PLCB1: variants seen among roughly 807,000 people sequenced by gnomAD.
PLCB1 encodes 1-phosphatidylinositol 4,5-bisphosphate phosphodiesterase beta-1.
PLCB1 carries 46 observed loss-of-function variants against 161.8 expected under a neutral mutation model. The ratio of observed to expected loss-of-function variants is 0.28; its 90% CI spans 0.22 to 0.36. The LOEUF (loss-of-function observed/expected upper bound fraction) is 0.36. Among genes scored for constraint, PLCB1 ranks in the 10% least tolerant of loss-of-function variants. The pLI is 1.00. For synonymous variants in PLCB1, 517 were observed against 503.7 expected, an observed-to-expected ratio of 1.03 and a Z score of -0.35; for missense variants, 1,016 against 1,472.5, an observed-to-expected ratio of 0.69 and a Z score of 5.07.
At chr20:8,421,312 G>C (rs1177153023) in intron 3 of PLCB1, among the ~76,000 whole-genome samples, 1 of 152,166 alleles carries the variant, frequency 6.6e-6, no homozygotes, top group Non-Finnish European at 1.5e-5. Context: ...TCAGAAAGAA[G>C]CAAAAATTAG....
intron 2 of PLCB1, among the ~76,000 whole-genome samples, chr20:8,258,931 G>A (rs1475013182): frequency 6.6e-6 from 1 of 152,078 alleles, no homozygotes; most frequent in African/African-American, 2.4e-5. Flanking sequence ...TCTGTCACTG[G>A]CAACATTTCC....
intron 2 of PLCB1, among the ~76,000 whole-genome samples, chr20:8,333,657 A>G (rs974224914): frequency 6.6e-6 from 1 of 152,194 alleles, no homozygotes; most frequent in Non-Finnish European, 1.5e-5. Flanking sequence ...CCTAAAAAGC[A>G]TCTGGCCCAA....
chr20:8,256,268 G>T (rs577637846), intron 2 of PLCB1, among the ~76,000 whole-genome samples: 2 of 152,214 alleles, frequency 1.3e-5, no homozygotes, highest in Non-Finnish European at 2.9e-5. Flanking sequence ...AATTCTATGA[G>T]TTAGCAGTTT....
At chr20:8,759,214 A>T (rs1981890418) in intron 24 of PLCB1, among the ~76,000 whole-genome samples, 1 of 152,134 alleles carries the variant, frequency 6.6e-6, no homozygotes, top group Non-Finnish European at 1.5e-5. Context: ...GCATTTTGAC[A>T]AGAGCACCAT....
chr20:8,684,098 A>T (rs566235112), intron 9 of PLCB1, among the ~76,000 whole-genome samples: 13 of 151,936 alleles, frequency 8.6e-5, no homozygotes, highest in South Asian at 8.3e-4. Flanking sequence ...GTTAGCCAGG[A>T]TGGTCTCGAT....
At chr20:8,261,242 C>T (rs905226641) in intron 2 of PLCB1, among the ~76,000 whole-genome samples, 23 of 152,120 alleles carry the variant, frequency 1.5e-4, no homozygotes, top group South Asian at 6.2e-4. Flanking sequence ...CTCTGAGAAA[C>T]GCCCCCAATA....
At chr20:8,400,287 C>A (rs1978492155) in intron 3 of PLCB1, among the ~76,000 whole-genome samples, 1 of 152,112 alleles carries the variant, frequency 6.6e-6, no homozygotes, top group African/African-American at 2.4e-5. Context: ...CAGGTGGCAA[C>A]TGTCTGAGCC....
At chr20:8,324,209 TG>T (rs1985047456) in intron 2 of PLCB1, among the ~76,000 whole-genome samples, 4 of 82,262 alleles carry the variant, frequency 4.9e-5, no homozygotes, top group Non-Finnish European at 9.9e-5. Flanking sequence ...GGTGTGTGTG[TG>T]TGTGTGTGTG....
intron 31 of PLCB1, among the ~76,000 whole-genome samples, chr20:8,817,969 G>C (rs1985156618): frequency 6.6e-6 from 1 of 152,176 alleles, no homozygotes; most frequent in East Asian, 1.9e-4. Flanking sequence ...GCAACAGAAA[G>C]AGAATTAGTA....
At chr20:8,581,373 A>T (rs1044280166) in intron 3 of PLCB1, among the ~76,000 whole-genome samples, 31 of 152,154 alleles carry the variant, frequency 2.0e-4, no homozygotes, top group African/African-American at 7.5e-4. Flanking sequence ...CTTGGCGACC[A>T]TTTGGATATA....
chr20:8,429,962 C>T (rs148732862), intron 3 of PLCB1, among the ~76,000 whole-genome samples: 3 of 151,898 alleles, frequency 2.0e-5, no homozygotes, highest in African/African-American at 4.8e-5. Context: ...TCATTTTAGC[C>T]GCAGTAAGCA....
chr20:8,750,767 A>G (rs1293315035), intron 23 of PLCB1: 1 of 1,119,518 alleles, frequency 8.9e-7, no homozygotes, highest in Non-Finnish European at 1.2e-6. Context: ...GGCTGGCTCT[A>G]ACAAAGCTAC....
At chr20:8,698,627 A>G (rs538827646) in intron 11 of PLCB1, among the ~76,000 whole-genome samples, 15 of 152,278 alleles carry the variant, frequency 9.9e-5, no homozygotes, top group Non-Finnish European at 1.8e-4. Context: ...AGGAGAACAC[A>G]TGTTGTAGGG....
chr20:8,595,331 A>G (rs1018099306), intron 3 of PLCB1, among the ~76,000 whole-genome samples: 1 of 143,812 alleles, frequency 7.0e-6, no homozygotes, highest in East Asian at 2.1e-4. Context: ...ATTCCCACCT[A>G]TGAGCGAGAA....
intron 2 of PLCB1, among the ~76,000 whole-genome samples, chr20:8,342,439 G>A (rs1320590054): frequency 6.6e-6 from 1 of 152,172 alleles, no homozygotes; most frequent in Non-Finnish European, 1.5e-5. Flanking sequence ...AATCATTAAA[G>A]CCATGGCCTT....
intron 24 of PLCB1, among the ~76,000 whole-genome samples, chr20:8,758,685 A>G (rs1981864721): frequency 6.6e-6 from 1 of 152,242 alleles, no homozygotes; most frequent in South Asian, 2.1e-4. Context: ...AAATACAAAC[A>G]TCTTGAATGC....
chr20:8,589,151 T>C (rs1410537955), intron 3 of PLCB1, among the ~76,000 whole-genome samples: 23 of 152,152 alleles, frequency 1.5e-4, no homozygotes, highest in Admixed American at 1.5e-3. Flanking sequence ...AGTTGTGCAC[T>C]TCTCTCATTT....
At chr20:8,556,644 A>C (rs1348355932) in intron 3 of PLCB1, among the ~76,000 whole-genome samples, 1 of 143,058 alleles carries the variant, frequency 7.0e-6, no homozygotes, top group African/African-American at 2.6e-5. Context: ...CAGCCAGGCT[A>C]GGAGAGGGTT....
At chr20:8,234,151 A>G (rs550823168) in intron 2 of PLCB1, among the ~76,000 whole-genome samples, 14 of 152,126 alleles carry the variant, frequency 9.2e-5, no homozygotes, top group Non-Finnish European at 1.8e-4. Context: ...AAAGAGACGT[A>G]TGCAATCAGC....
Sources: allele counts gnomAD v4.1 joint callset (sites outside exome capture counted in the v4.1 genomes callset), GRCh38; gene constraint gnomAD v4.1.1; transcripts MANE v1.5; gene names NCBI Gene and HGNC (gene_info 2026-07-23, HGNC 2026-07-21).